The following MC1R variants were observed in gnomAD, a reference collection of about 807,000 sequenced individuals.
MC1R encodes the protein melanocortin 1 receptor.
For synonymous variants in MC1R, 263 were observed against 203.8 expected (o/e 1.29, Z -2.47); for missense variants, 542 against 430.0 (o/e 1.26, Z -2.30).
rs1440940681 is a variant in MC1R, at chr16:89,920,240, T to C, written c.*28T>C. ...GCGGTGCACGCGGCTTTAAGTGTGC[T>C]GGGCAGAGGGAGGTGGTGATATTGT... is the stretch of plus-strand genomic sequence containing the variant. On this transcript the variant is annotated 3_prime_UTR_variant, in exon 1 of 1. Coordinates refer to ENST00000555147, the MANE Select transcript of MC1R (RefSeq NM_002386.4). The C allele has an allele frequency of 1.9e-6, 3 of 1,569,242 alleles. No individual in the cohort carries two copies. The South Asian group carries it at 3.3e-5, about 17-fold the overall frequency.
chr16:89,919,394 C>T lies in MC1R; in HGVS notation c.136C>T (p.Leu46Phe), dbSNP rs775806791. 2 of 1,613,238 alleles carry T rather than the reference C, an allele frequency of 1.2e-6. No homozygotes were observed. The highest frequency in any genetic ancestry group is 1.7e-5 in the Admixed American group (1 of 60,010). The change falls in exon 1 of 1, where the codon CTC becomes TTC. Residue 46 changes from leucine (L) to phenylalanine (F), a missense_variant. Physicochemically the swap from Leu to Phe is conservative, Grantham distance 22. Transcript: ENST00000555147. ...LEVSISDGLFLSLGLVSLVEN... is the reference protein window; with the variant it reads ...LEVSISDGLFFSLGLVSLVEN... ...GGTGTCCATCTCTGACGGGCTCTTC[C>T]TCAGCCTGGGGCTGGTGAGCTTGGT... is the stretch of plus-strand genomic sequence containing the variant.
At position 89,919,988 on chromosome 16, in the gene MC1R, ACCATCCTGCTGG is replaced by A. The variant is rs776867314; in HGVS notation, c.731_742del (p.Thr244_Gly248delinsSer). 6.2e-7 allele frequency: 1 copy of A among 1,613,240 alleles called. No homozygotes were observed. On this transcript the variant is annotated inframe_deletion, in exon 1 of 1. Transcript: ENST00000555147. ...TGGCCTTAAAGGCGCTGTCACCCTC[ACCATCCTGCTGG>A]GCATTTTCTTCCTCTGCTGGGGCCC...
rs886052501 is a variant in MC1R at position 89,918,945 on chromosome 16, TGGG to T, written c.-312_-310del. 26 of 440,608 alleles carry T rather than the reference TGGG, an allele frequency of 5.9e-5. 1 individual carries two copies. Among genetic ancestry groups the T allele is most frequent in the Non-Finnish European group, 1.2e-5 (3 of 242,452 alleles). The allele number at this position is 440,608 out of a possible 1,614,324, so 27.3% of individuals were successfully genotyped here. The stretch of plus-strand genomic sequence containing the variant: ...ACGGTCCAGAGGTGTCGAAATGTCC[TGGG>T]GACCTGAGCAGCAGCCACCAGGGAA... On this transcript the variant is annotated 5_prime_UTR_variant, in exon 1 of 1. An upstream open reading frame in the 5' UTR gains an earlier in-frame stop. Transcript: ENST00000555147.
chr16:89,919,229 A>G lies in MC1R; in HGVS notation c.-30A>G, dbSNP rs1371372236. ...AACTGTGGGGACCTGGAGGCCTCCA[A>G]CGACTCCTTCCTGCTTCCTGGACAG... On this transcript the variant is annotated 5_prime_UTR_variant, in exon 1 of 1. Transcript: ENST00000555147. 11 of 1,469,690 alleles carry G rather than the reference A, an allele frequency of 7.5e-6. No homozygotes were observed. Among genetic ancestry groups the G allele is most frequent in the Non-Finnish European group, 6.4e-6 (7 of 1,091,664 alleles). 91.0% of individuals were successfully genotyped at this position (1,469,690 alleles called of 1,614,324 possible). A position where few individuals can be genotyped will look rare whatever the true frequency, so the allele number is the denominator to read the frequency against.
rs371022090 is a variant in MC1R at position 89,919,531 on chromosome 16, C to G, written c.273C>G (p.Asn91Lys). Residue 91 changes from asparagine to lysine, a missense_variant, in exon 1 of 1, where the codon AAC (asparagine) becomes AAG (lysine). Asn to Lys is a moderately conservative substitution (Grantham distance 94). Transcript: ENST00000555147. Reference protein sequence around the residue: ...ALSDLLVSGSNVLETAVILLL... With the variant: ...ALSDLLVSGSKVLETAVILLL... ...CGGACCTGCTGGTGAGCGGGAGCAA[C>G]GTGCTGGAGACGGCCGTCATCCTCC... The G allele has an allele frequency of 6.2e-6, 10 of 1,612,968 alleles. No individual in the cohort carries two copies. In the East Asian group the frequency reaches 2.2e-4, roughly 36 times the overall value.
Position 89,919,788 on chromosome 16 carries a change from C to G in MC1R, c.530C>G (p.Thr177Arg). ...TGGGTGGCCAGTGTCGTCTTCAGCA[C>G]GCTCTTCATCGCCTACTACGACCAC... ...AIWVASVVFS[T>R]LFIAYYDHVA... The change falls in exon 1 of 1, where the codon ACG becomes AGG. Residue 177 changes from threonine (T) to arginine (R), a missense_variant. Physicochemically the swap from Thr to Arg is moderately conservative, Grantham distance 71. Transcript: ENST00000555147. 1 of 1,608,278 alleles carries G rather than the reference C, an allele frequency of 6.2e-7. No individual in the cohort carries two copies. The highest frequency in any genetic ancestry group is 1.3e-5 in the African/African-American group (1 of 75,068).
rs886052503 is a variant in MC1R, at chr16:89,919,161, C to G, written c.-98C>G. 2.3e-6 allele frequency: 2 copies of G among 856,430 alleles called. No homozygotes were observed. The highest frequency in any genetic ancestry group is 3.6e-6 in the Non-Finnish European group (2 of 558,184). 53.1% of individuals were successfully genotyped at this position (856,430 alleles called of 1,614,324 possible). A position where few individuals can be genotyped will look rare whatever the true frequency, so the allele number is the denominator to read the frequency against. On this transcript the variant is annotated 5_prime_UTR_variant, in exon 1 of 1. Transcript: ENST00000555147. ...GCAGGCATGGGGGACACCCAAGGCC[C>G]CCTGGCAGCACCATGAACTAAGCAG...
At position 89,919,856 on chromosome 16, in the gene MC1R, C is replaced by G. The variant is rs879937669; in HGVS notation, c.598C>G (p.Leu200Val). 1 of 1,606,412 alleles carries G rather than the reference C, an allele frequency of 6.2e-7. No individual in the cohort carries two copies. Among genetic ancestry groups the G allele is most frequent in the African/African-American group, 1.3e-5 (1 of 75,048 alleles). ...LCLVVFFLAM[L>V]VLMAVLYVHM... ...CCTCGTGGTCTTCTTCCTGGCTATGCTGGTGCTCATGGCCGTGCTGTACGT... is the reference window on the plus strand; with the variant it reads ...CCTCGTGGTCTTCTTCCTGGCTATGGTGGTGCTCATGGCCGTGCTGTACGT... The change falls in exon 1 of 1, where the codon CTG becomes GTG. Residue 200 changes from leucine to valine, a missense_variant. By Grantham distance (32) the Leu-to-Val change is conservative. Transcript: ENST00000555147.
In MC1R at chr16:89,920,769, G is replaced by T; in HGVS notation, c.*557G>T. ...TCCCTGCCTCAGGCCAAGGGACCAG[G>T]TTTGCAGGAGCCCCCCTAGTGGTAT... On this transcript the variant is annotated 3_prime_UTR_variant, in exon 1 of 1. Transcript: ENST00000555147. 1 of 701,384 alleles carries T rather than the reference G, an allele frequency of 1.4e-6. No individual in the cohort carries two copies. The highest frequency in any genetic ancestry group is 1.5e-5 in the South Asian group (1 of 64,694). The allele number at this position is 701,384 out of a possible 1,614,324, so 43.4% of individuals were successfully genotyped here.
rs891806917 is a variant in MC1R, at chr16:89,920,864, G to A, written c.*652G>A. On this transcript the variant is annotated 3_prime_UTR_variant, in exon 1 of 1. Coordinates refer to ENST00000555147, the MANE Select transcript of MC1R (RefSeq NM_002386.4). ...CACTGGGGCCTCAGCCTGCTTTCCTGCAGCAGTCGCCCAAGCAGACAGCCC... is the reference window on the plus strand; with the variant it reads ...CACTGGGGCCTCAGCCTGCTTTCCTACAGCAGTCGCCCAAGCAGACAGCCC... The A allele has an allele frequency of 3.3e-6, 2 of 598,138 alleles. No homozygotes were observed. Among genetic ancestry groups the A allele is most frequent in the South Asian group, 2.1e-5 (1 of 47,726 alleles). The allele number at this position is 598,138 out of a possible 1,614,324, so 37.1% of individuals were successfully genotyped here.
rs2045712773 is a variant in MC1R, at chr16:89,920,599, C to T, written c.*387C>T. On this transcript the variant is annotated 3_prime_UTR_variant, in exon 1 of 1. Transcript: ENST00000555147. The stretch of plus-strand genomic sequence containing the variant: ...CCATCTTTGCTGCCAGCTCTCAGGA[C>T]CGTGCCCTCGTCAGCTGGGATGTGA... 4.3e-6 allele frequency: 3 copies of T among 693,626 alleles called. No individual in the cohort carries two copies. The East Asian group carries it at 8.1e-5, about 19-fold the overall frequency. The allele number at this position is 693,626 out of a possible 1,614,324, so 43.0% of individuals were successfully genotyped here.
chr16:89,920,734 G>C lies in MC1R; in HGVS notation c.*522G>C, dbSNP rs2045714895. On this transcript the variant is annotated 3_prime_UTR_variant, in exon 1 of 1. Transcript: ENST00000555147. ...CAGCCTTGCAGCGGCTCCTGCAAAA[G>C]GAGGTGAAATCCCTGCCTCAGGCCA... The C allele has an allele frequency of 1.4e-6, 1 of 716,116 alleles. No homozygotes were observed. The highest frequency in any genetic ancestry group is 2.0e-5 in the Admixed American group (1 of 49,796). The allele number at this position is 716,116 out of a possible 1,614,324, so 44.4% of individuals were successfully genotyped here. A position where few individuals can be genotyped will look rare whatever the true frequency, so the allele number is the denominator to read the frequency against.
Position 89,919,982 on chromosome 16 carries a change from A to C in MC1R, c.724A>C (p.Thr242Pro). The change falls in exon 1 of 1, where the codon ACC becomes CCC. Residue 242 changes from threonine to proline, a missense_variant. Physicochemically the swap from Thr to Pro is conservative, Grantham distance 38 (BLOSUM62 -1). Coordinates refer to ENST00000555147, the MANE Select transcript of MC1R (RefSeq NM_002386.4). The stretch of plus-strand genomic sequence containing the variant: ...GGGCTTTGGCCTTAAAGGCGCTGTC[A>C]CCCTCACCATCCTGCTGGGCATTTT... ...HQGFGLKGAVTLTILLGIFFL... is the reference protein window; with the variant it reads ...HQGFGLKGAVPLTILLGIFFL... 1 of 1,613,090 alleles carries C rather than the reference A, an allele frequency of 6.2e-7. No homozygotes were observed. Among genetic ancestry groups the C allele is most frequent in the Non-Finnish European group, 8.5e-7 (1 of 1,179,844 alleles).
chr16:89,920,553 C>A lies in MC1R; in HGVS notation c.*341C>A, dbSNP rs1172370266. 1.1e-5 allele frequency: 7 copies of A among 642,074 alleles called. No individual in the cohort carries two copies. The South Asian group carries it at 1.3e-4, about 12-fold the overall frequency. 39.8% of individuals were successfully genotyped at this position (642,074 alleles called of 1,614,324 possible). A position where few individuals can be genotyped will look rare whatever the true frequency, so the allele number is the denominator to read the frequency against. Reference sequence around the variant, plus strand: ...TGGGACACTCCGTCTGCTCCAATGACTGAGCAGCATCCACCCCACCCCATC... The same window carrying A: ...TGGGACACTCCGTCTGCTCCAATGAATGAGCAGCATCCACCCCACCCCATC... On this transcript the variant is annotated 3_prime_UTR_variant, in exon 1 of 1. Transcript: ENST00000555147.
chr16:89,919,534 G>A lies in MC1R; in HGVS notation c.276G>A (p.Val92=), dbSNP rs1555623759. ...ACCTGCTGGTGAGCGGGAGCAACGT[G>A]CTGGAGACGGCCGTCATCCTCCTGC... is the stretch of plus-strand genomic sequence containing the variant. ...LSDLLVSGSN[V]LETAVILLLE... is the part of the protein sequence containing the mutation. Residue 92 remains valine, a synonymous_variant, in exon 1 of 1, where the codon GTG becomes GTA. Coordinates refer to ENST00000555147, the MANE Select transcript of MC1R (RefSeq NM_002386.4). 1 of 1,612,794 alleles carries A rather than the reference G, an allele frequency of 6.2e-7. No individual in the cohort carries two copies. The highest frequency in any genetic ancestry group is 1.1e-5 in the South Asian group (1 of 91,088).
chr16:89,920,754 AGGCCAAG>A lies in MC1R; in HGVS notation c.*545_*551del. On this transcript the variant is annotated 3_prime_UTR_variant, in exon 1 of 1. Transcript: ENST00000555147. ...CAAAAGGAGGTGAAATCCCTGCCTC[AGGCCAAG>A]GGACCAGGTTTGCAGGAGCCCCCCT... is the stretch of plus-strand genomic sequence containing the variant. 1 of 711,332 alleles carries A rather than the reference AGGCCAAG, an allele frequency of 1.4e-6. No individual in the cohort carries two copies. The highest frequency in any genetic ancestry group is 1.5e-5 in the South Asian group (1 of 66,678). 44.1% of individuals were successfully genotyped at this position (711,332 alleles called of 1,614,324 possible).
Position 89,919,600 on chromosome 16 carries a change from G to C in MC1R, c.342G>C (p.Gln114His). The part of the protein sequence containing the change: ...GALVARAAVL[Q>H]QLDNVIDVIT... ...TGGTGGCCCGGGCTGCGGTGCTGCA[G>C]CAGCTGGACAATGTCATTGACGTGA... Residue 114 changes from glutamine (Q) to histidine (H), a missense_variant, in exon 1 of 1, where the codon CAG becomes CAC. Physicochemically the swap from Gln to His is conservative, Grantham distance 24. Coordinates refer to ENST00000555147, the MANE Select transcript of MC1R (RefSeq NM_002386.4). 6.2e-7 allele frequency: 1 copy of C among 1,609,190 alleles called. No homozygotes were observed. The highest frequency in any genetic ancestry group is 8.5e-7 in the Non-Finnish European group (1 of 1,179,784).
Position 89,920,253 on chromosome 16 carries a change from G to T in MC1R, c.*41G>T, listed in dbSNP as rs1238099341. ...CTTTAAGTGTGCTGGGCAGAGGGAG[G>T]TGGTGATATTGTGTGGTCTGGTTCC... On this transcript the variant is annotated 3_prime_UTR_variant, in exon 1 of 1. Coordinates refer to ENST00000555147, the MANE Select transcript of MC1R (RefSeq NM_002386.4). The T allele has an allele frequency of 1.3e-6, 2 of 1,535,956 alleles. No individual in the cohort carries two copies. Among genetic ancestry groups the T allele is most frequent in the Non-Finnish European group, 9.0e-7 (1 of 1,114,936 alleles).
In MC1R at chr16:89,919,448, G is replaced by C. The variant is rs368501338; in HGVS notation, c.190G>C (p.Ala64Pro). ...GAACGCGCTGGTGGTGGCCACCATC[G>C]CCAAGAACCGGAACCTGCACTCACC... ...VENALVVATI[A>P]KNRNLHSPMY... Residue 64 changes from alanine (A) to proline (P), a missense_variant, in exon 1 of 1, where the codon GCC (alanine) becomes CCC (proline). Coordinates refer to ENST00000555147, the MANE Select transcript of MC1R (RefSeq NM_002386.4). 6 of 1,613,106 alleles carry C rather than the reference G, an allele frequency of 3.7e-6. No homozygotes were observed. Among genetic ancestry groups the C allele is most frequent in the Non-Finnish European group, 5.1e-6 (6 of 1,179,894 alleles).
Sources: allele counts gnomAD v4.1 joint callset, GRCh38; gene constraint gnomAD v4.1.1; transcripts MANE v1.5; gene names NCBI Gene and HGNC (gene_info 2026-07-23, HGNC 2026-07-21).